The following PODXL variants were observed in gnomAD, a reference collection of about 807,000 sequenced individuals.
PODXL encodes podocalyxin.
PODXL carries 20 observed loss-of-function variants against 48.9 expected under a neutral mutation model. That is an observed-to-expected ratio of 0.41 (90% CI 0.29 to 0.59). The LOEUF is 0.59. PODXL is among the 20% of genes least tolerant of loss of function. PODXL has a pLI of 0.31. For synonymous variants in PODXL, 295 were observed against 287.4 expected (o/e 1.03, Z -0.27); for missense variants, 606 against 675.1 (o/e 0.90, Z 1.13).
At chr7:131,540,465 GC>G (rs1229517716) in intron 1 of PODXL, among the ~76,000 whole-genome samples, 3 of 151,242 alleles carry the variant, frequency 2.0e-5, no homozygotes, top group Non-Finnish European at 4.4e-5. Flanking sequence ...CCCTGCCCCC[GC>G]CCCCCAATAC....
intron 1 of PODXL, among the ~76,000 whole-genome samples, chr7:131,543,406 G>C (rs1235725628): frequency 6.6e-6 from 1 of 152,154 alleles, no homozygotes; most frequent in East Asian, 1.9e-4. Context: ...GATTATAGGT[G>C]TGAACCACAG....
At chr7:131,537,210 G>A (rs932588313) in intron 1 of PODXL, among the ~76,000 whole-genome samples, 8 of 151,996 alleles carry the variant, frequency 5.3e-5, no homozygotes, top group African/African-American at 1.9e-4. Flanking sequence ...TACTTGCAGG[G>A]CTGAGGTGGG....
chr7:131,546,680 C>G (rs900448712), intron 1 of PODXL, among the ~76,000 whole-genome samples: 4 of 134,892 alleles, frequency 3.0e-5, no homozygotes, highest in African/African-American at 1.1e-4. Context: ...GAGTCGAGAT[C>G]GTGCCACTGC....
intron 1 of PODXL, among the ~76,000 whole-genome samples, chr7:131,522,458 G>T (rs1798106363): frequency 6.6e-6 from 1 of 152,038 alleles, no homozygotes. Flanking sequence ...TAAAAACAGT[G>T]GAATACAGCT....
chr7:131,535,048 T>G (rs894736159), intron 1 of PODXL, among the ~76,000 whole-genome samples: 4 of 151,964 alleles, frequency 2.6e-5, no homozygotes, highest in African/African-American at 9.7e-5. Flanking sequence ...CAAGACTCTA[T>G]CTCAAAAAAG....
intron 1 of PODXL, among the ~76,000 whole-genome samples, chr7:131,541,780 T>G (rs1249964032): frequency 6.6e-6 from 1 of 151,982 alleles, no homozygotes; most frequent in Non-Finnish European, 1.5e-5. Flanking sequence ...TTAAAGGCCA[T>G]GTTCCTTTTA....
intron 1 of PODXL, among the ~76,000 whole-genome samples, chr7:131,517,577 G>A (rs767011870): frequency 4.6e-5 from 7 of 151,916 alleles, no homozygotes; most frequent in Middle Eastern, 3.2e-3. Context: ...ATATTCTCTC[G>A]TGGTTCTGGA....
chr7:131,509,996 T>C (rs1309851579), intron 3 of PODXL, among the ~76,000 whole-genome samples: 1 of 152,172 alleles, frequency 6.6e-6, no homozygotes, highest in Non-Finnish European at 1.5e-5. Flanking sequence ...ACTCCTACTG[T>C]GTGGCACCCT....
Position 131,508,990 on chromosome 7 carries a change from C to T in PODXL, c.1062G>A (p.Glu354=). The stretch of plus-strand genomic sequence containing the variant: ...CTGTGAGGTTCAGGACGAGCTGCTT[C>T]TCACTCTGTGTCTGTGTCTCAAGAT... ...CEDLETQTQS[E]KQLVLNLTGN... is the part of the protein sequence containing the mutation. The change falls in exon 5 of 9, where the codon GAG becomes GAA. Residue 354 remains glutamate (E), a synonymous_variant. Transcript: ENST00000378555. 6.2e-7 allele frequency: 1 copy of T among 1,614,126 alleles called. No individual in the cohort carries two copies. The highest frequency in any genetic ancestry group is 8.5e-7 in the Non-Finnish European group (1 of 1,179,970).
intron 1 of PODXL, among the ~76,000 whole-genome samples, chr7:131,534,701 GGTAA>G (rs1473283985): frequency 6.6e-6 from 1 of 152,164 alleles, no homozygotes; most frequent in African/African-American, 2.4e-5. Flanking sequence ...GGAAGAGTCT[GGTAA>G]GTGAGACTCT....
chr7:131,537,469 C>T (rs1417147712), intron 1 of PODXL, among the ~76,000 whole-genome samples: 5 of 152,166 alleles, frequency 3.3e-5, no homozygotes, highest in African/African-American at 1.2e-4. Context: ...TGCCTGTAGT[C>T]TCAGCTACGC....
chr7:131,515,174 C>T (rs530610957), intron 1 of PODXL, among the ~76,000 whole-genome samples: 14 of 152,270 alleles, frequency 9.2e-5, no homozygotes, highest in Admixed American at 5.9e-4. Flanking sequence ...GTAAAAACTA[C>T]TGGTTTCAAG....
chr7:131,543,605 G>A (rs1798517631), intron 1 of PODXL, among the ~76,000 whole-genome samples: 1 of 152,128 alleles, frequency 6.6e-6, no homozygotes, highest in Admixed American at 6.5e-5. Context: ...TAAGAACCAT[G>A]TAGTCCCACT....
intron 5 of PODXL, among the ~76,000 whole-genome samples, chr7:131,507,572 C>G (rs1378058287): frequency 2.0e-5 from 3 of 152,144 alleles, no homozygotes; most frequent in African/African-American, 7.2e-5. Flanking sequence ...ACAAACCACC[C>G]CTAAGGTTTC....
intron 1 of PODXL, among the ~76,000 whole-genome samples, chr7:131,512,994 C>CAAAAAAAA (rs60701480): frequency 2.1e-5 from 2 of 95,788 alleles, no homozygotes; most frequent in African/African-American, 8.8e-5. Flanking sequence ...GACTCCGTCT[C>CAAAAAAAA]AAAAAAAAAA....
chr7:131,540,467 C>T (rs1002838926), intron 1 of PODXL, among the ~76,000 whole-genome samples: 5 of 151,904 alleles, frequency 3.3e-5, no homozygotes, highest in South Asian at 4.2e-4. Flanking sequence ...CTGCCCCCGC[C>T]CCCCAATACC....
intron 5 of PODXL, among the ~76,000 whole-genome samples, chr7:131,507,806 C>A (rs983805135): frequency 2.0e-5 from 3 of 152,190 alleles, no homozygotes; most frequent in African/African-American, 7.2e-5. Flanking sequence ...GTCCAATAAG[C>A]CCAGCCCTAG....
intron 5 of PODXL, 100 bp from the exon 6 acceptor site, chr7:131,506,826 G>A (rs1410085134): frequency 1.5e-6 from 2 of 1,321,276 alleles, no homozygotes; most frequent in Non-Finnish European, 2.1e-6. Context: ...TGCTGTTGCT[G>A]TGCTAGAACC....
At chr7:131,507,223 C>G (rs558521626) in intron 5 of PODXL, among the ~76,000 whole-genome samples, 4 of 152,198 alleles carry the variant, frequency 2.6e-5, no homozygotes, top group African/African-American at 4.8e-5. Context: ...GTCTCTACCC[C>G]CAAAGCTGAA....
Sources: gnomAD v4.1 joint callset for allele counts (sites outside exome capture counted in the v4.1 genomes callset) on GRCh38, gnomAD v4.1.1 for gene constraint, MANE v1.5 for transcripts, NCBI Gene and HGNC (gene_info 2026-07-23, HGNC 2026-07-21) for gene names.